CTNNA3: variants seen among roughly 807,000 people sequenced by gnomAD.
CTNNA3 encodes catenin alpha 3, also known as catenin alpha-3.
A neutral mutation model predicts 95.7 loss-of-function variants in CTNNA3; 76 were observed. The ratio of observed to expected loss-of-function variants is 0.79; its 90% confidence interval spans 0.66 to 0.96. CTNNA3 has a LOEUF of 0.96. CTNNA3 is among the 40% of genes least tolerant of loss of function. The pLI is 0.00. For synonymous variants in CTNNA3, 431 were observed against 374.4 expected (o/e 1.15, Z -1.74); for missense variants, 1,191 against 1,089.8 (o/e 1.09, Z -1.31).
chr10:66,496,602 G>T (rs1840107282), intron 11 of CTNNA3, among the ~76,000 whole-genome samples: 1 of 152,158 alleles, frequency 6.6e-6, no homozygotes, highest in South Asian at 2.1e-4. Flanking sequence ...GATAATTATA[G>T]CATGGTTGCT....
intron 13 of CTNNA3, among the ~76,000 whole-genome samples, chr10:66,122,490 C>G (rs577599575): frequency 6.6e-6 from 1 of 152,022 alleles, no homozygotes; most frequent in Non-Finnish European, 1.5e-5. Flanking sequence ...ATAGATGAAC[C>G]TCAGAGAAGA....
chr10:67,191,901 AC>A (rs1274160422), intron 6 of CTNNA3, among the ~76,000 whole-genome samples: 1 of 151,914 alleles, frequency 6.6e-6, no homozygotes. Flanking sequence ...ATACACAAAC[AC>A]CATTTGAATA....
chr10:67,538,803 T>G (rs1840570244), intron 4 of CTNNA3, among the ~76,000 whole-genome samples: 1 of 152,102 alleles, frequency 6.6e-6, no homozygotes, highest in Non-Finnish European at 1.5e-5. Context: ...ATACAACAGA[T>G]ATAAAAAGAG....
chr10:66,642,279 A>ACAAACACAC (rs1554828894), intron 9 of CTNNA3, among the ~76,000 whole-genome samples: 1 of 61,338 alleles, frequency 1.6e-5, no homozygotes, highest in African/African-American at 5.4e-5. Flanking sequence ...CACACACACA[A>ACAAACACAC]ACACACACAC....
intron 2 of CTNNA3, among the ~76,000 whole-genome samples, chr10:67,645,663 AT>A (rs1839681906): frequency 6.6e-6 from 1 of 152,088 alleles, no homozygotes; most frequent in African/African-American, 2.4e-5. Context: ...TTCTAGTGAA[AT>A]AATACAAATT....
chr10:66,100,825 C>G (rs2133734818), intron 14 of CTNNA3, among the ~76,000 whole-genome samples: 1 of 152,258 alleles, frequency 6.6e-6, no homozygotes, highest in African/African-American at 2.4e-5. Context: ...TGAAACACTT[C>G]CATATGCATT....
At chr10:66,440,954 C>T (rs543552344) in intron 11 of CTNNA3, among the ~76,000 whole-genome samples, 10 of 144,150 alleles carry the variant, frequency 6.9e-5, no homozygotes, top group Admixed American at 1.4e-4. Context: ...GATTTTATTC[C>T]ATTTTTCTCA....
At chr10:67,695,231 G>A (rs1173213960) in intron 1 of CTNNA3, among the ~76,000 whole-genome samples, 1 of 152,144 alleles carries the variant, frequency 6.6e-6, no homozygotes, top group Non-Finnish European at 1.5e-5. Context: ...GATCTTAGTA[G>A]GCACATATCA....
chr10:67,246,470 A>T (rs1217223395), intron 5 of CTNNA3, among the ~76,000 whole-genome samples: 1 of 152,172 alleles, frequency 6.6e-6, no homozygotes, highest in East Asian at 1.9e-4. Flanking sequence ...GAAATAAACC[A>T]TTCAAAAATT....
intron 10 of CTNNA3, among the ~76,000 whole-genome samples, chr10:66,573,590 G>T (rs1308465725): frequency 6.6e-6 from 1 of 152,038 alleles, no homozygotes; most frequent in Non-Finnish European, 1.5e-5. Context: ...TTATTCTATT[G>T]AATTGCCTAT....
chr10:66,677,132 T>C (rs1208545610), intron 9 of CTNNA3, among the ~76,000 whole-genome samples: 1 of 152,140 alleles, frequency 6.6e-6, no homozygotes, highest in Middle Eastern at 3.2e-3. Flanking sequence ...TTCCTGTTTG[T>C]AAATGACTGG....
intron 17 of CTNNA3, among the ~76,000 whole-genome samples, chr10:65,930,138 T>C (rs147133301): frequency 3.8e-5 from 5 of 132,144 alleles, no homozygotes; most frequent in African/African-American, 5.8e-5. Flanking sequence ...CTTTTCAAAA[T>C]AGTGTGAGGT....
At chr10:67,193,992 T>C (rs1263266260) in intron 6 of CTNNA3, among the ~76,000 whole-genome samples, 1 of 152,114 alleles carries the variant, frequency 6.6e-6, no homozygotes, top group African/African-American at 2.4e-5. Flanking sequence ...TTTTACTTTT[T>C]AATACTAGCC....
chr10:67,043,160 A>G (rs1854514389), intron 7 of CTNNA3, among the ~76,000 whole-genome samples: 1 of 146,730 alleles, frequency 6.8e-6, no homozygotes, highest in African/African-American at 2.5e-5. Context: ...TTTCTGTGCA[A>G]TAAGATCTGG....
intron 11 of CTNNA3, among the ~76,000 whole-genome samples, chr10:66,479,830 C>T (rs1346951780): frequency 6.6e-6 from 1 of 151,928 alleles, no homozygotes; most frequent in African/African-American, 2.4e-5. Flanking sequence ...AATTTGTTAT[C>T]TGGTTTGTGT....
chr10:67,727,170 GATACATATATT>G (rs1841239151), intron 1 of CTNNA3, among the ~76,000 whole-genome samples: 2 of 119,794 alleles, frequency 1.7e-5, no homozygotes, highest in Non-Finnish European at 3.2e-5. Context: ...TATAATATAT[GATACATATATT>G]ATATATATTA....
At chr10:66,840,366 TCTCTCTCA>T (rs1386007166) in intron 7 of CTNNA3, among the ~76,000 whole-genome samples, 230 of 83,166 alleles carry the variant, frequency 2.8e-3, no homozygotes, top group Admixed American at 5.7e-3. Context: ...TCTCTCTCTC[TCTCTCTCA>T]CACACACACA....
chr10:67,723,198 G>T (rs1303161524), intron 1 of CTNNA3, among the ~76,000 whole-genome samples: 1 of 151,852 alleles, frequency 6.6e-6, no homozygotes, highest in Non-Finnish European at 1.5e-5. Context: ...TATTGGCCAG[G>T]CTGGTCTTGA....
chr10:65,958,985 C>T (rs916177086), intron 17 of CTNNA3, among the ~76,000 whole-genome samples: 2 of 152,192 alleles, frequency 1.3e-5, no homozygotes, highest in Admixed American at 1.3e-4. Flanking sequence ...TGCCCTGCCC[C>T]CAGAGGTGAA....
Sources: allele counts gnomAD v4.1 joint callset (sites outside exome capture counted in the v4.1 genomes callset), GRCh38; gene constraint gnomAD v4.1.1; transcripts MANE v1.5; gene names NCBI Gene and HGNC (gene_info 2026-07-23, HGNC 2026-07-21).